SLIT2: variants seen among roughly 807,000 people sequenced by gnomAD.
SLIT2 encodes the protein slit homolog 2 protein.
A neutral mutation model predicts 185.7 loss-of-function variants in SLIT2; 41 were observed. The observed-to-expected ratio is 0.22, with a 90% confidence interval of 0.17 to 0.29. The LOEUF (loss-of-function observed/expected upper bound fraction) is 0.29, where lower values mean the gene tolerates loss of function less well. Among genes scored for constraint, SLIT2 ranks in the 10% least tolerant of loss-of-function variants. The pLI is 1.00. For synonymous variants in SLIT2, 693 were observed against 680.2 expected (o/e 1.02, Z -0.29); for missense variants, 1,571 against 1,909.0 (o/e 0.82, Z 3.30).
At chr4:20,616,713 C>G in intron 34 of SLIT2, 197 bp from the exon 35 acceptor site, 1 of 472,420 alleles carries the variant, frequency 2.1e-6, no homozygotes, top group East Asian at 3.3e-5. Flanking sequence ...TTAGAATTTC[C>G]TGGAGCATCT....
intron 4 of SLIT2, among the ~76,000 whole-genome samples, chr4:20,352,123 T>C (rs981632240): frequency 2.6e-5 from 4 of 152,186 alleles, no homozygotes; most frequent in Admixed American, 2.6e-4. Context: ...TTTTCTTTTG[T>C]ACAGTCATTT....
At chr4:20,577,438 A>G (rs1577959010) in intron 29 of SLIT2, among the ~76,000 whole-genome samples, 1 of 152,174 alleles carries the variant, frequency 6.6e-6, no homozygotes, top group African/African-American at 2.4e-5. Flanking sequence ...GGGTTTCTCT[A>G]TGGCAGCATT....
intron 4 of SLIT2, among the ~76,000 whole-genome samples, chr4:20,293,954 G>T (rs1716221898): frequency 6.6e-6 from 1 of 151,868 alleles, no homozygotes; most frequent in South Asian, 2.1e-4. Flanking sequence ...CCATTTCATG[G>T]TGTTTGCATT....
At chr4:20,303,114 G>C (rs779934110) in intron 4 of SLIT2, among the ~76,000 whole-genome samples, 1 of 152,130 alleles carries the variant, frequency 6.6e-6, no homozygotes, top group African/African-American at 2.4e-5. Context: ...AGTTCAAGTA[G>C]TGTTACATGG....
rs1014671143 is a variant in SLIT2 at position 20,395,757 on chromosome 4, G to C, written c.396-71995G>C. On this transcript the variant is annotated intron_variant, in intron 4 of 36. Coordinates refer to ENST00000504154, the MANE Select transcript of SLIT2 (RefSeq NM_004787.4). ...ATCTCATATAGACCAATCTTTAGCT[G>C]TTAAAAATATGAATGTTACAAGCTA... Among the ~76,000 whole-genome samples the C allele has an allele frequency of 2.6e-5, 4 of 151,944 alleles. No individual in the cohort carries two copies. The East Asian group carries it at 7.7e-4, about 29-fold the overall frequency.
chr4:20,558,043 C>T (rs1264533959), intron 26 of SLIT2, among the ~76,000 whole-genome samples: 2 of 152,004 alleles, frequency 1.3e-5, no homozygotes, highest in Non-Finnish European at 2.9e-5. Context: ...TACGGATGAG[C>T]AAACAAAGTG....
chr4:20,275,835 T>TAATC (rs1714119320), intron 4 of SLIT2, among the ~76,000 whole-genome samples: 1 of 152,100 alleles, frequency 6.6e-6, no homozygotes, highest in Non-Finnish European at 1.5e-5. Context: ...GTGCATATAT[T>TAATC]TAGATTGCTG....
At chr4:20,467,991 T>A (rs911466719) in intron 5 of SLIT2, among the ~76,000 whole-genome samples, 168 bp downstream of exon 5, 5 of 152,176 alleles carry the variant, frequency 3.3e-5, no homozygotes, top group Non-Finnish European at 7.4e-5. Context: ...ACAAGCTGTT[T>A]GACGAGATGC....
At chr4:20,562,775 C>T (rs572850269) in intron 26 of SLIT2, among the ~76,000 whole-genome samples, 1 of 151,852 alleles carries the variant, frequency 6.6e-6, no homozygotes, top group South Asian at 2.1e-4. Context: ...TAAAAACCTT[C>T]TTTTAGTTAA....
chr4:20,425,638 T>C (rs1437338713), intron 4 of SLIT2, among the ~76,000 whole-genome samples: 2 of 152,210 alleles, frequency 1.3e-5, no homozygotes, highest in Non-Finnish European at 2.9e-5. Flanking sequence ...TTCCTGTCCA[T>C]AAATCCGTTT....
At chr4:20,503,348 A>AT (rs1202855726) in intron 9 of SLIT2, among the ~76,000 whole-genome samples, 38 of 152,136 alleles carry the variant, frequency 2.5e-4, no homozygotes, top group African/African-American at 8.7e-4. Context: ...GATTTTTGTA[A>AT]TTTTTTAAAA....
At chr4:20,479,225 T>C (rs1716443829) in intron 5 of SLIT2, among the ~76,000 whole-genome samples, 1 of 152,182 alleles carries the variant, frequency 6.6e-6, no homozygotes, top group Admixed American at 6.5e-5. Context: ...GATGTGTATT[T>C]CATGAGACAT....
At chr4:20,567,077 C>G (rs909992562) in intron 26 of SLIT2, among the ~76,000 whole-genome samples, 185 bp from the exon 27 acceptor site, 1 of 152,008 alleles carries the variant, frequency 6.6e-6, no homozygotes, top group Non-Finnish European at 1.5e-5. Flanking sequence ...TTGAGAAGGC[C>G]TCCTGTTGCA....
chr4:20,365,551 T>A (rs1560356468), intron 4 of SLIT2, among the ~76,000 whole-genome samples: 2 of 152,044 alleles, frequency 1.3e-5, no homozygotes, highest in East Asian at 3.9e-4. Context: ...TCCCGTCACT[T>A]CTTTCTTTTT....
intron 19 of SLIT2, 51 bp from the exon 20 acceptor site, chr4:20,541,402 A>G (rs750621931): frequency 4.5e-6 from 7 of 1,545,730 alleles, no homozygotes; most frequent in East Asian, 4.5e-5. Flanking sequence ...TAGAGAAGGA[A>G]GAAGATGAAA....
chr4:20,598,230 C>T, intron 32 of SLIT2, 35 bp from the exon 33 acceptor site: 1 of 1,609,466 alleles, frequency 6.2e-7, no homozygotes, highest in Middle Eastern at 1.7e-4. Context: ...TGGTTGCGTA[C>T]ACATCCTAGT....
intron 29 of SLIT2, among the ~76,000 whole-genome samples, chr4:20,573,422 C>T (rs1037320794): frequency 6.6e-6 from 1 of 152,106 alleles, no homozygotes; most frequent in African/African-American, 2.4e-5. Flanking sequence ...TTAATCTATG[C>T]ATCGCTATGA....
chr4:20,496,229 T>C (rs192313522), intron 9 of SLIT2, among the ~76,000 whole-genome samples: 1 of 151,422 alleles, frequency 6.6e-6, no homozygotes, highest in East Asian at 2.0e-4. Context: ...TTCTGCTTTC[T>C]GTTTCCAACT....
At chr4:20,594,122 T>A (rs968936417) in intron 30 of SLIT2, among the ~76,000 whole-genome samples, 2 of 148,188 alleles carry the variant, frequency 1.3e-5, no homozygotes, top group Admixed American at 1.3e-4. Context: ...TATATACACA[T>A]GTGCATATAT....
Sources: gnomAD v4.1 joint callset for allele counts (sites outside exome capture counted in the v4.1 genomes callset) on GRCh38, gnomAD v4.1.1 for gene constraint, MANE v1.5 for transcripts, NCBI Gene and HGNC (gene_info 2026-07-23, HGNC 2026-07-21) for gene names.